Variants in OLFM2 observed in about 807,000 individuals in gnomAD.
The protein encoded by OLFM2 is noelin-2.
In OLFM2, 20 loss-of-function variants were observed where a neutral mutation model predicts 43.9. That is an observed-to-expected ratio of 0.46 (90% CI 0.32 to 0.66). The LOEUF is 0.66. Among genes scored for constraint, OLFM2 ranks in the 30% least tolerant of loss-of-function variants. The pLI, the probability that OLFM2 is intolerant of heterozygous loss-of-function variation, is 0.04. For synonymous variants in OLFM2, 268 were observed against 278.6 expected (o/e 0.96, Z 0.38); for missense variants, 416 against 643.6 (o/e 0.65, Z 3.83).
chr19:9,906,653 T>C (rs931231100), intron 1 of OLFM2, among the ~76,000 whole-genome samples: 6 of 151,960 alleles, frequency 3.9e-5, no homozygotes, highest in African/African-American at 1.4e-4. Flanking sequence ...GACTCTGAAA[T>C]GCAGGAAGAG....
chr19:9,891,145 C>A (rs960902890), intron 1 of OLFM2, among the ~76,000 whole-genome samples: 4 of 151,488 alleles, frequency 2.6e-5, no homozygotes, highest in African/African-American at 9.7e-5. Flanking sequence ...GAAACCCAGT[C>A]TCTACTAAAA....
At chr19:9,904,154 G>A (rs1361386804) in intron 1 of OLFM2, among the ~76,000 whole-genome samples, 1 of 31,278 alleles carries the variant, frequency 3.2e-5, no homozygotes, top group East Asian at 7.8e-4. Context: ...AGTATTGTTT[G>A]TGTGTGTGTG....
intron 1 of OLFM2, among the ~76,000 whole-genome samples, chr19:9,890,501 C>T (rs924593405): frequency 2.6e-5 from 4 of 152,214 alleles, no homozygotes; most frequent in African/African-American, 4.8e-5. Context: ...ACTGTTGGAA[C>T]ATGTAAGAGA....
At chr19:9,892,333 C>A (rs2046647163) in intron 1 of OLFM2, among the ~76,000 whole-genome samples, 1 of 152,192 alleles carries the variant, frequency 6.6e-6, no homozygotes. Context: ...CAGGGAGGGA[C>A]AGCCACCCTG....
chr19:9,878,381 C>CTTTTT (rs34231833), intron 1 of OLFM2, among the ~76,000 whole-genome samples: 16 of 57,668 alleles, frequency 2.8e-4, no homozygotes, highest in African/African-American at 5.7e-4. Flanking sequence ...TCATTTCTCT[C>CTTTTT]TTTTTTTTTT....
chr19:9,911,598 A>G (rs2046827954), intron 1 of OLFM2, among the ~76,000 whole-genome samples: 1 of 152,208 alleles, frequency 6.6e-6, no homozygotes, highest in African/African-American at 2.4e-5. Context: ...TTATATGCAC[A>G]CACTTACAAA....
chr19:9,883,049 A>G (rs1469115928), intron 1 of OLFM2, among the ~76,000 whole-genome samples: 2 of 138,908 alleles, frequency 1.4e-5, no homozygotes, highest in Non-Finnish European at 3.2e-5. Flanking sequence ...AAAAAAAAAA[A>G]TACAAAAAAA....
At position 9,854,083 on chromosome 19, in the gene OLFM2, G is replaced by A. The variant is rs752543468; in HGVS notation, c.*103C>T. ...CAGCAAAAAGGCGGGGAGAAAGGGC[G>A]TGACAGAGACAGAGAGATCACCCTT... On this transcript the variant is annotated 3_prime_UTR_variant, in exon 6 of 6. Coordinates refer to ENST00000264833, the MANE Select transcript of OLFM2 (RefSeq NM_058164.4). This position sits in a 1 kb window ranked among gnomAD's most constrained non-coding sequence, Gnocchi z 9.5. 1.9e-4 allele frequency: 198 copies of A among 1,041,838 alleles called. No individual in the cohort carries two copies. The highest frequency in any genetic ancestry group is 2.7e-4 in the Middle Eastern group (1 of 3,670). The allele number at this position is 1,041,838 out of a possible 1,614,324, so 64.5% of individuals were successfully genotyped here. A position where few individuals can be genotyped will look rare whatever the true frequency, so the allele number is the denominator to read the frequency against.
intron 1 of OLFM2, among the ~76,000 whole-genome samples, chr19:9,930,287 AT>A (rs754715489): frequency 6.6e-6 from 1 of 152,194 alleles, no homozygotes; most frequent in East Asian, 1.9e-4. Flanking sequence ...ATTTGTTTTT[AT>A]TCATTATAGA....
intron 1 of OLFM2, among the ~76,000 whole-genome samples, chr19:9,887,889 CG>C (rs2145461807): frequency 6.6e-6 from 1 of 152,120 alleles, no homozygotes; most frequent in East Asian, 1.9e-4. Flanking sequence ...AAAAATAAGC[CG>C]GAAGTGGTGG....
Position 9,919,789 on chromosome 19 carries a change from A to ATT in OLFM2, c.63+16513_63+16514dup, listed in dbSNP as rs750249042. Among the ~76,000 whole-genome samples the ATT allele has an allele frequency of 6.8e-3, 612 of 90,540 alleles. 7 individuals carry two copies. The highest frequency in any genetic ancestry group is 9.4e-3 in the Non-Finnish European group (436 of 46,524). The allele number at this position is 90,540 out of a possible 152,430, so 59.4% of individuals were successfully genotyped here. On this transcript the variant is annotated intron_variant, in intron 1 of 5. Coordinates refer to ENST00000264833, the MANE Select transcript of OLFM2 (RefSeq NM_058164.4). ...AAGCCACCACACCTGGACCACTGCC[A>ATT]TTTTTTTTTTTTTTTTTTTTTTTGA... is the stretch of plus-strand genomic sequence containing the variant.
chr19:9,894,351 T>A (rs894005021), intron 1 of OLFM2, among the ~76,000 whole-genome samples: 19 of 148,508 alleles, frequency 1.3e-4, no homozygotes, highest in African/African-American at 4.7e-4. Flanking sequence ...CACTCCAGCC[T>A]GGGCAACAGA....
chr19:9,854,924 A>G lies in OLFM2; in HGVS notation c.688-61T>C. On this transcript the variant is annotated intron_variant, in intron 5 of 5. Coordinates refer to ENST00000264833, the MANE Select transcript of OLFM2 (RefSeq NM_058164.4). This position sits in a 1 kb window ranked among gnomAD's most constrained non-coding sequence, Gnocchi z 9.5. ...CCACCAACGACCCAAGGGTCCCAGC[A>G]CCAGCTACAGCCATTAGAGTTCAAC... The G allele has an allele frequency of 7.6e-7, 1 of 1,317,298 alleles. No individual in the cohort carries two copies. The highest frequency in any genetic ancestry group is 1.5e-5 in the South Asian group (1 of 68,424). 81.6% of individuals were successfully genotyped at this position (1,317,298 alleles called of 1,614,324 possible). A position where few individuals can be genotyped will look rare whatever the true frequency, so the allele number is the denominator to read the frequency against.
intron 1 of OLFM2, among the ~76,000 whole-genome samples, chr19:9,892,127 C>T (rs540996447): frequency 1.3e-5 from 2 of 151,966 alleles, no homozygotes; most frequent in East Asian, 3.9e-4. Context: ...GTGTGTGTGC[C>T]AGGGTTTGGG....
At chr19:9,900,049 C>A (rs926638902) in intron 1 of OLFM2, among the ~76,000 whole-genome samples, 1 of 152,078 alleles carries the variant, frequency 6.6e-6, no homozygotes, top group Non-Finnish European at 1.5e-5. Context: ...GACAAATGAG[C>A]GAATCATGGC....
chr19:9,890,893 G>A (rs1422569994), intron 1 of OLFM2, among the ~76,000 whole-genome samples: 1 of 152,032 alleles, frequency 6.6e-6, no homozygotes, highest in African/African-American at 2.4e-5. Flanking sequence ...GTTGGAGGCT[G>A]CAGTGAGCTG....
chr19:9,936,156 G>A lies in OLFM2; in HGVS notation c.63+148C>T. 6.2e-6 allele frequency: 5 copies of A among 805,658 alleles called. No homozygotes were observed. The South Asian group carries it at 8.5e-5, about 14-fold the overall frequency. 49.9% of individuals were successfully genotyped at this position (805,658 alleles called of 1,614,324 possible). On this transcript the variant is annotated intron_variant, in intron 1 of 5. Transcript: ENST00000264833. ...CCCAAGCCAGAGAGTGCACGTCCCG[G>A]CCCCTCCCCCGCTGCGACCCCCGCC...
At chr19:9,888,920 G>T (rs1049789730) in intron 1 of OLFM2, among the ~76,000 whole-genome samples, 1 of 152,130 alleles carries the variant, frequency 6.6e-6, no homozygotes, top group African/African-American at 2.4e-5. Flanking sequence ...TAAAAAATTA[G>T]CCGGGCATGG....
intron 1 of OLFM2, among the ~76,000 whole-genome samples, chr19:9,878,551 A>G (rs1216704392): frequency 6.6e-6 from 1 of 151,800 alleles, no homozygotes; most frequent in Non-Finnish European, 1.5e-5. Flanking sequence ...ACCTGGCATC[A>G]GTTTCATTTC....
Sources: gnomAD v4.1 joint callset for allele counts (sites outside exome capture counted in the v4.1 genomes callset) on GRCh38, gnomAD v4.1.1 for gene constraint, Gnocchi (gnomAD v3.1) non-coding constraint, MANE v1.5 for transcripts, NCBI Gene and HGNC (gene_info 2026-07-23, HGNC 2026-07-21) for gene names.